The following TRPM3 variants were observed in gnomAD, a reference collection of about 807,000 sequenced individuals.
TRPM3 encodes long transient receptor potential channel 3.
TRPM3 carries 77 observed loss-of-function variants against 181.2 expected under a neutral mutation model. The observed-to-expected ratio is 0.42, with a 90% confidence interval of 0.35 to 0.51. TRPM3 has a LOEUF of 0.51. TRPM3 is among the 20% of genes least tolerant of loss of function. TRPM3 has a pLI of 0.01. For synonymous variants in TRPM3, 745 were observed against 796.4 expected, an observed-to-expected ratio of 0.94 and a Z score of 1.09; for missense variants, 1,759 against 2,196.7, an observed-to-expected ratio of 0.80 and a Z score of 3.98.
chr9:71,051,403 C>T (rs1272427220), intron 1 of TRPM3, among the ~76,000 whole-genome samples: 2 of 152,128 alleles, frequency 1.3e-5, no homozygotes, highest in East Asian at 3.9e-4. Flanking sequence ...CATTCTCCTT[C>T]ATTTCAAAGA....
intron 1 of TRPM3, among the ~76,000 whole-genome samples, chr9:70,907,933 A>G (rs1238896266): frequency 3.9e-5 from 6 of 152,246 alleles, no homozygotes; most frequent in African/African-American, 1.4e-4. Context: ...TATGTACCAC[A>G]GATTCTTTAT....
chr9:71,237,707 G>T (rs190996967), intron 1 of TRPM3, among the ~76,000 whole-genome samples: 1 of 152,070 alleles, frequency 6.6e-6, no homozygotes, highest in African/African-American at 2.4e-5. Flanking sequence ...GTTTTGTGCC[G>T]CTGTAACAGA....
intron 8 of TRPM3, among the ~76,000 whole-genome samples, chr9:70,756,376 C>T (rs565689643): frequency 2.8e-4 from 43 of 152,206 alleles, no homozygotes; most frequent in African/African-American, 9.4e-4. Flanking sequence ...GACTTAGACT[C>T]CCACACAATA....
chr9:71,327,615 G>A lies in TRPM3; in HGVS notation c.183+119038C>T, dbSNP rs527666697. 2.2e-4 allele frequency among the ~76,000 whole-genome samples: 33 copies of A among 152,256 alleles called. No homozygotes were observed. The South Asian group carries it at 6.6e-3, about 31-fold the overall frequency. ...AAAAGTATACAGTGAATGAACTAGTGTTTCAAAATGTTTAAATAACATAGT... is the reference window on the plus strand; with the variant it reads ...AAAAGTATACAGTGAATGAACTAGTATTTCAAAATGTTTAAATAACATAGT... On this transcript the variant is annotated intron_variant, in intron 1 of 24. Coordinates refer to the TRPM3 transcript ENST00000357533.
chr9:71,050,842 A>G (rs1020515851), intron 1 of TRPM3, among the ~76,000 whole-genome samples: 1 of 152,178 alleles, frequency 6.6e-6, no homozygotes, highest in African/African-American at 2.4e-5. Context: ...ACCTCACTTC[A>G]AAGAAGAGGG....
intron 1 of TRPM3, among the ~76,000 whole-genome samples, chr9:70,965,783 T>C (rs1267253932): frequency 6.6e-6 from 1 of 151,988 alleles, no homozygotes; most frequent in Non-Finnish European, 1.5e-5. Flanking sequence ...CAGGTTTTGG[T>C]ATCAGGATGA....
At chr9:71,085,662 G>A (rs538448001) in intron 1 of TRPM3, among the ~76,000 whole-genome samples, 3 of 152,094 alleles carry the variant, frequency 2.0e-5, no homozygotes, top group Middle Eastern at 3.4e-3. Flanking sequence ...TCTCACACCC[G>A]TCAGAATGGC....
chr9:70,977,147 T>A (rs1384065411), intron 1 of TRPM3, among the ~76,000 whole-genome samples: 1 of 152,220 alleles, frequency 6.6e-6, no homozygotes, highest in Non-Finnish European at 1.5e-5. Flanking sequence ...ATTTATTTTT[T>A]TTTTTGAGAT....
At chr9:71,296,734 A>T (rs1453724665) in intron 1 of TRPM3, among the ~76,000 whole-genome samples, 1 of 152,186 alleles carries the variant, frequency 6.6e-6, no homozygotes, top group Non-Finnish European at 1.5e-5. Context: ...GACCATTAGA[A>T]GATTGCTACA....
upstream of TRPM3, among the ~76,000 whole-genome samples, chr9:71,125,498 C>A (rs182029644): frequency 6.6e-6 from 1 of 152,110 alleles, no homozygotes; most frequent in Non-Finnish European, 1.5e-5. Context: ...GTTTCCAGCT[C>A]CATCCATGTC....
At chr9:71,183,099 T>G (rs1308963423) in intron 1 of TRPM3, among the ~76,000 whole-genome samples, 1 of 152,164 alleles carries the variant, frequency 6.6e-6, no homozygotes, top group African/African-American at 2.4e-5. Context: ...TAGTAAATAG[T>G]CAGGGCTTTT....
chr9:71,163,939 C>A (rs547399526), intron 1 of TRPM3, among the ~76,000 whole-genome samples: 2 of 152,276 alleles, frequency 1.3e-5, no homozygotes, highest in South Asian at 4.2e-4. Context: ...GATTTGGCCA[C>A]ATGGAAGTCA....
At chr9:71,162,501 A>G (rs960669369) in intron 1 of TRPM3, among the ~76,000 whole-genome samples, 4 of 152,152 alleles carry the variant, frequency 2.6e-5, no homozygotes, top group African/African-American at 9.6e-5. Flanking sequence ...TTTATTTTAC[A>G]TATATAGCTT....
intron 1 of TRPM3, among the ~76,000 whole-genome samples, chr9:71,037,559 C>T (rs900200415): frequency 6.6e-6 from 1 of 152,260 alleles, no homozygotes; most frequent in African/African-American, 2.4e-5. Context: ...TTTGCCCATC[C>T]ATTCAGCACA....
intron 1 of TRPM3, among the ~76,000 whole-genome samples, chr9:71,255,234 A>T (rs1314955190): frequency 1.3e-5 from 2 of 152,236 alleles, no homozygotes; most frequent in Admixed American, 1.3e-4. Flanking sequence ...GAAGATTTTT[A>T]AAAATATTTT....
intron 2 of TRPM3, 121 bp from the exon 3 acceptor site, chr9:70,863,233 G>T: frequency 1.3e-6 from 1 of 768,552 alleles, no homozygotes. Flanking sequence ...TTCTCAGGAA[G>T]AATTCCACCA....
chr9:71,096,600 T>A (rs898187891), intron 1 of TRPM3, among the ~76,000 whole-genome samples: 203 of 142,668 alleles, frequency 1.4e-3, no homozygotes, highest in East Asian at 2.6e-3. Context: ...ACTCTCTCTC[T>A]CTCTCTCTCT....
chr9:70,778,259 G>A (rs111251891), intron 7 of TRPM3, among the ~76,000 whole-genome samples: 9 of 152,224 alleles, frequency 5.9e-5, no homozygotes, highest in African/African-American at 1.2e-4. Flanking sequence ...TAGGATTCTC[G>A]TGAAGAATGC....
At chr9:71,117,171 G>A (rs1322721420) in intron 1 of TRPM3, among the ~76,000 whole-genome samples, 2 of 152,040 alleles carry the variant, frequency 1.3e-5, no homozygotes, top group African/African-American at 4.8e-5. Flanking sequence ...AATTCCCCAG[G>A]CCTCTAATCT....
Sources: gnomAD v4.1 joint callset for allele counts (sites outside exome capture counted in the v4.1 genomes callset) on GRCh38, gnomAD v4.1.1 for gene constraint, MANE v1.5 for transcripts, NCBI Gene and HGNC (gene_info 2026-07-23, HGNC 2026-07-21) for gene names.